ANO2: variants seen among roughly 807,000 people sequenced by gnomAD.
ANO2 encodes anoctamin 2.
In ANO2, 101 loss-of-function variants were observed where a neutral mutation model predicts 124.2. The observed-to-expected ratio is 0.81, with a 90% CI of 0.69 to 0.96. The LOEUF is 0.96. ANO2 is among the 40% of genes least tolerant of loss of function. ANO2 has a pLI of 0.00. For synonymous variants in ANO2, 486 were observed against 482.5 expected (o/e 1.01, Z -0.09); for missense variants, 1,293 against 1,274.5 (o/e 1.01, Z -0.22).
At chr12:5,799,068 C>T (rs1001649799) in intron 10 of ANO2, among the ~76,000 whole-genome samples, 2 of 152,362 alleles carry the variant, frequency 1.3e-5, no homozygotes, top group East Asian at 1.9e-4. Context: ...AAAAAGTCCA[C>T]ATTCTGTCAG....
chr12:5,705,062 GA>G (rs886279901), intron 14 of ANO2, among the ~76,000 whole-genome samples: 1 of 152,102 alleles, frequency 6.6e-6, no homozygotes, highest in Non-Finnish European at 1.5e-5. Context: ...AGGTTTCACT[GA>G]AAAAAATTAT....
chr12:5,688,346 C>T (rs1948789317), intron 14 of ANO2, among the ~76,000 whole-genome samples: 1 of 152,118 alleles, frequency 6.6e-6, no homozygotes, highest in South Asian at 2.1e-4. Flanking sequence ...GAGGCCGAAG[C>T]AAGGACAACC....
chr12:5,695,615 C>T (rs1949135639), intron 14 of ANO2, among the ~76,000 whole-genome samples: 1 of 152,104 alleles, frequency 6.6e-6, no homozygotes, highest in African/African-American at 2.4e-5. Flanking sequence ...CTGAGGCAGG[C>T]AGATCACCTG....
chr12:5,860,818 C>A (rs532420684), intron 3 of ANO2, among the ~76,000 whole-genome samples: 1 of 152,196 alleles, frequency 6.6e-6, no homozygotes. Flanking sequence ...GACACAGCCT[C>A]ACTCGTGCTC....
intron 10 of ANO2, among the ~76,000 whole-genome samples, chr12:5,758,508 G>T (rs974252479): frequency 2.0e-5 from 3 of 152,232 alleles, no homozygotes; most frequent in African/African-American, 7.2e-5. Context: ...TTCTAGGGGA[G>T]CGGGAGGGGC....
Position 5,609,135 on chromosome 12 carries a change from A to T in ANO2, c.2087+3521T>A, listed in dbSNP as rs372026054. Reference sequence around the variant, plus strand: ...TCTCTCTAAGATGGTAAGCTCCTAGAGAACAAGTGTCATCTGCATGGAACA... The same window carrying T: ...TCTCTCTAAGATGGTAAGCTCCTAGTGAACAAGTGTCATCTGCATGGAACA... On this transcript the variant is annotated intron_variant, in intron 19 of 24. Transcript: ENST00000682330. 9.8e-5 allele frequency: 15 copies of T among 152,330 alleles called. No homozygotes were observed. In the East Asian group the frequency reaches 1.5e-3, roughly 16 times the overall value. 9.4% of individuals were successfully genotyped at this position (152,330 alleles called of 1,614,324 possible). A position where few individuals can be genotyped will look rare whatever the true frequency, so the allele number is the denominator to read the frequency against.
At chr12:5,943,296 T>C (rs1271766832) in intron 1 of ANO2, among the ~76,000 whole-genome samples, 1 of 151,808 alleles carries the variant, frequency 6.6e-6, no homozygotes, top group Non-Finnish European at 1.5e-5. Context: ...TGTGTGTGTG[T>C]GTGTGTGTGT....
chr12:5,865,473 T>A (rs938613400), intron 3 of ANO2, among the ~76,000 whole-genome samples: 3 of 151,400 alleles, frequency 2.0e-5, no homozygotes, highest in Admixed American at 1.3e-4. Flanking sequence ...CATCACACCA[T>A]CATGCATTCA....
chr12:5,857,924 A>G (rs1357875905), intron 3 of ANO2, among the ~76,000 whole-genome samples: 1 of 152,214 alleles, frequency 6.6e-6, no homozygotes, highest in African/African-American at 2.4e-5. Flanking sequence ...GGCCAGACAC[A>G]GAAAGACAAA....
chr12:5,750,413 A>G (rs1035180441), intron 11 of ANO2, among the ~76,000 whole-genome samples: 3 of 152,230 alleles, frequency 2.0e-5, no homozygotes, highest in African/African-American at 7.2e-5. Context: ...TTATTCTAGC[A>G]TCATCTGACC....
intron 14 of ANO2, among the ~76,000 whole-genome samples, chr12:5,719,904 A>C (rs954420166): frequency 6.6e-6 from 1 of 151,956 alleles, no homozygotes; most frequent in Admixed American, 6.6e-5. Context: ...TGTCTCTCTC[A>C]CTTGCTCACT....
At chr12:5,698,711 G>A (rs1021975457) in intron 14 of ANO2, among the ~76,000 whole-genome samples, 5 of 152,310 alleles carry the variant, frequency 3.3e-5, no homozygotes, top group South Asian at 2.1e-4. Context: ...AAGACTAGAC[G>A]AATGGCTAAC....
At chr12:5,610,855 CACACAA>C (rs1377977666) in intron 19 of ANO2, among the ~76,000 whole-genome samples, 52 of 144,720 alleles carry the variant, frequency 3.6e-4, no homozygotes, top group Middle Eastern at 3.5e-3. Flanking sequence ...CACACACACA[CACACAA>C]CCCTAAGGGA....
intron 14 of ANO2, among the ~76,000 whole-genome samples, chr12:5,652,715 G>T (rs1023345252): frequency 6.6e-6 from 1 of 152,024 alleles, no homozygotes; most frequent in Non-Finnish European, 1.5e-5. Context: ...TTATGCATTT[G>T]GGGGAGGAAG....
chr12:5,720,302 A>G (rs1272586798), intron 14 of ANO2, among the ~76,000 whole-genome samples: 5 of 152,216 alleles, frequency 3.3e-5, no homozygotes, highest in African/African-American at 9.7e-5. Flanking sequence ...AAAGAATCGC[A>G]GGGAGCCAGA....
intron 3 of ANO2, among the ~76,000 whole-genome samples, chr12:5,903,670 T>TGGGG (rs999979029): frequency 2.6e-5 from 4 of 151,716 alleles, no homozygotes; most frequent in African/African-American, 9.7e-5. Context: ...TGTGTGTGTG[T>TGGGG]GTGTGTGGGT....
intron 13 of ANO2, chr12:5,732,941 G>C: frequency 1.3e-6 from 2 of 1,592,234 alleles, no homozygotes; most frequent in Non-Finnish European, 1.7e-6. Context: ...GATACGAAGA[G>C]GGGCCCAGTG....
intron 15 of ANO2, among the ~76,000 whole-genome samples, chr12:5,645,122 C>G (rs943268984): frequency 2.6e-5 from 4 of 151,782 alleles, no homozygotes; most frequent in African/African-American, 7.2e-5. Context: ...TAGGAAACCA[C>G]CAGTCCTTAT....
intron 9 of ANO2, among the ~76,000 whole-genome samples, chr12:5,802,082 A>G (rs1953059131): frequency 6.6e-6 from 1 of 152,172 alleles, no homozygotes; most frequent in African/African-American, 2.4e-5. Flanking sequence ...GCAAAACCTG[A>G]GCTTGAGAAC....
Sources: gnomAD v4.1 joint callset for allele counts (sites outside exome capture counted in the v4.1 genomes callset) on GRCh38, gnomAD v4.1.1 for gene constraint, MANE v1.5 for transcripts, NCBI Gene and HGNC (gene_info 2026-07-23, HGNC 2026-07-21) for gene names.